Variants in NCALD observed in about 807,000 individuals in gnomAD.
The protein encoded by NCALD is neurocalcin-delta.
Under a neutral mutation model 18.6 loss-of-function variants are expected in NCALD, and 10 were observed. That is an observed-to-expected ratio of 0.54 (90% CI 0.33 to 0.91). The LOEUF is 0.91. Ranked by LOEUF, NCALD falls within the 40% of genes least tolerant of loss-of-function variation. NCALD has a pLI of 0.03. For synonymous variants in NCALD, 88 were observed against 87.4 expected (o/e 1.01, Z -0.04); for missense variants, 184 against 247.6 (o/e 0.74, Z 1.72).
At chr8:101,760,016 A>G (rs1344180505) in intron 1 of NCALD, among the ~76,000 whole-genome samples, 1 of 152,272 alleles carries the variant, frequency 6.6e-6, no homozygotes, top group South Asian at 2.1e-4. Flanking sequence ...GGTCAAGTCA[A>G]AGATGGTGGG....
Position 101,689,536 on chromosome 8 carries a change from C to T in NCALD, c.485-130G>A. 2 of 680,078 alleles carry T rather than the reference C, an allele frequency of 2.9e-6. No individual in the cohort carries two copies. Among genetic ancestry groups the T allele is most frequent in the Non-Finnish European group, 5.1e-6 (2 of 392,734 alleles). 42.1% of individuals were successfully genotyped at this position (680,078 alleles called of 1,614,324 possible). ...CTCACTGCCACTGTGACACACAGCA[C>T]TCACCTGTCCCGGGGAAGAGCCCAG... On this transcript the variant is annotated intron_variant, in intron 3 of 3. Coordinates refer to ENST00000220931, the MANE Select transcript of NCALD (RefSeq NM_032041.3). This position sits in a 1 kb window ranked among gnomAD's most constrained non-coding sequence, Gnocchi z 4.4.
At chr8:101,734,889 G>T (rs775595892) in intron 1 of NCALD, among the ~76,000 whole-genome samples, 74 of 152,228 alleles carry the variant, frequency 4.9e-4, no homozygotes, top group Non-Finnish European at 9.6e-4. Flanking sequence ...GCATTGATTA[G>T]ATTATCTGCA....
At position 101,801,643 on chromosome 8, in the gene NCALD, C is replaced by CTTTTTTTTTT. The variant is rs71268530; in HGVS notation, c.-19-82005_-19-81996dup. Reference sequence around the variant, plus strand: ...TCTCTATGATTTACAAGCACACTTACTTTTTTTTTTTTTTTTTTTTTTTTT... The same window carrying CTTTTTTTTTT: ...TCTCTATGATTTACAAGCACACTTACTTTTTTTTTTTTTTTTTTTTTTTTTTTTTTTTTTT... On this transcript the variant is annotated intron_variant, in intron 4 of 6. Transcript: ENST00000311028. 9.5e-4 allele frequency among the ~76,000 whole-genome samples: 42 copies of CTTTTTTTTTT among 44,174 alleles called. 11 individuals carry two copies. Among genetic ancestry groups the CTTTTTTTTTT allele is most frequent in the East Asian group, 4.6e-3 (5 of 1,082 alleles). 29.0% of individuals were successfully genotyped at this position (44,174 alleles called of 152,430 possible). A position where few individuals can be genotyped will look rare whatever the true frequency, so the allele number is the denominator to read the frequency against.
chr8:101,896,632 T>C (rs1474751122), intron 3 of NCALD, among the ~76,000 whole-genome samples: 2 of 151,946 alleles, frequency 1.3e-5, no homozygotes, highest in African/African-American at 4.8e-5. Flanking sequence ...AAAGGGCTAA[T>C]ATCCAGAATC....
intron 2 of NCALD, among the ~76,000 whole-genome samples, chr8:101,992,722 A>G (rs1271223528): frequency 1.3e-5 from 2 of 152,154 alleles, no homozygotes; most frequent in African/African-American, 2.4e-5. Context: ...CCAGAGTCAC[A>G]TTCACATCGT....
chr8:101,795,913 T>G (rs1812622895), upstream of NCALD, among the ~76,000 whole-genome samples: 1 of 152,140 alleles, frequency 6.6e-6, no homozygotes, highest in Admixed American at 6.5e-5. Context: ...TTGAAGCATT[T>G]CCCAATTCCT....
At chr8:101,692,405 C>T (rs1270218018) in intron 3 of NCALD, 51 of 985,282 alleles carry the variant, frequency 5.2e-5, no homozygotes, top group Non-Finnish European at 6.0e-5. Context: ...TGGGTAGGAT[C>T]ACAGAATAAC....
chr8:101,872,569 G>A, intron 4 of NCALD: 1 of 609,198 alleles, frequency 1.6e-6, no homozygotes, highest in Admixed American at 2.6e-5. Flanking sequence ...AATCGCTCAA[G>A]CCAATCGTGC....
At position 101,884,188 on chromosome 8, in the gene NCALD, T is replaced by A. The variant is rs147379054; in HGVS notation, c.-20+2953A>T. 2.3e-3 allele frequency among the ~76,000 whole-genome samples: 356 copies of A among 152,348 alleles called. 3 individuals carry two copies. The highest frequency in any genetic ancestry group is 7.9e-3 in the African/African-American group (327 of 41,582). On this transcript the variant is annotated intron_variant, in intron 4 of 6. Transcript: ENST00000311028. ...TGCCCATCTCCAACACCTTCAGATTTCTGCAGGGAAGCCTTCCCTGATCCC... is the reference window on the plus strand; with the variant it reads ...TGCCCATCTCCAACACCTTCAGATTACTGCAGGGAAGCCTTCCCTGATCCC...
intron 1 of NCALD, among the ~76,000 whole-genome samples, chr8:101,784,088 A>T (rs1586494319): frequency 6.6e-6 from 1 of 152,136 alleles, no homozygotes; most frequent in South Asian, 2.1e-4. Flanking sequence ...TGAAACTGCA[A>T]CCTGGGGCAG....
At chr8:101,923,269 C>T (rs1389653339) in intron 2 of NCALD, among the ~76,000 whole-genome samples, 1 of 152,180 alleles carries the variant, frequency 6.6e-6, no homozygotes, top group Non-Finnish European at 1.5e-5. Context: ...AAATTACCCA[C>T]TTGTGAGTAT....
chr8:101,948,606 G>A (rs1447421149), intron 2 of NCALD, among the ~76,000 whole-genome samples: 1 of 152,170 alleles, frequency 6.6e-6, no homozygotes, highest in African/African-American at 2.4e-5. Flanking sequence ...CTCAGGGAGA[G>A]GGTACTGAGA....
At position 102,095,344 on chromosome 8, in the gene NCALD, C is replaced by T. The variant is rs141834048; in HGVS notation, c.-210+28893G>A. Among the ~76,000 whole-genome samples, 431 of 152,242 alleles carry T rather than the reference C, an allele frequency of 2.8e-3. 3 individuals are homozygous for T. The highest frequency in any genetic ancestry group is 9.7e-3 in the African/African-American group (404 of 41,548). ...GCCAGTGAGATGTGAATAAAGAACA[C>T]GTGTTCTGATGGTGAGGCAGGAGCC... On this transcript the variant is annotated intron_variant, in intron 1 of 6. Coordinates refer to the NCALD transcript ENST00000311028.
intron 2 of NCALD, among the ~76,000 whole-genome samples, chr8:101,716,240 G>A (rs1816073502): frequency 6.6e-6 from 1 of 152,018 alleles, no homozygotes; most frequent in Admixed American, 6.6e-5. Context: ...AACAGCGCAT[G>A]TTCTCACTCA....
chr8:101,980,556 T>C (rs117784974), intron 2 of NCALD, among the ~76,000 whole-genome samples: 2,695 of 152,146 alleles, frequency 0.018, 29 homozygotes, highest in South Asian at 0.041. Flanking sequence ...AAATGAGGAA[T>C]AGCCAAAAGG....
At chr8:101,915,423 G>A (rs1817939661) in intron 3 of NCALD, 1 of 152,176 alleles carries the variant, frequency 6.6e-6, no homozygotes, top group African/African-American at 2.4e-5. Context: ...AATGCCATTT[G>A]AGATACCTCT....
At chr8:101,769,880 T>G (rs10108160) in intron 1 of NCALD, among the ~76,000 whole-genome samples, 10,218 of 152,198 alleles carry the variant, frequency 0.067, 701 homozygotes, top group African/African-American at 0.16. Context: ...ACTTACATTC[T>G]CAGGACTCTG....
intron 2 of NCALD, among the ~76,000 whole-genome samples, chr8:101,711,940 G>A (rs755966864): frequency 2.2e-4 from 33 of 152,010 alleles, no homozygotes; most frequent in Admixed American, 1.3e-4. Context: ...GATACTTCTC[G>A]AGAAGAGCAA....
At chr8:102,112,817 AT>A (rs1242965985) in intron 1 of NCALD, among the ~76,000 whole-genome samples, 1 of 152,052 alleles carries the variant, frequency 6.6e-6, no homozygotes, top group Non-Finnish European at 1.5e-5. Flanking sequence ...TGGAGAGCTG[AT>A]TATTAAGAGC....
Sources: gnomAD v4.1 joint callset for allele counts (sites outside exome capture counted in the v4.1 genomes callset) on GRCh38, gnomAD v4.1.1 for gene constraint, Gnocchi (gnomAD v3.1) non-coding constraint, MANE v1.5 for transcripts, NCBI Gene and HGNC (gene_info 2026-07-23, HGNC 2026-07-21) for gene names.